Variants in RNF150 observed in about 807,000 individuals in gnomAD.
RNF150 encodes ring finger protein 150.
Under a neutral mutation model 39.3 loss-of-function variants are expected in RNF150, and 24 were observed. That is an observed-to-expected ratio of 0.61 (90% CI 0.44 to 0.86). The LOEUF (loss-of-function observed/expected upper bound fraction) is 0.86, where lower values mean the gene tolerates loss of function less well. RNF150 is among the 40% of genes least tolerant of loss of function. RNF150 has a pLI of 0.00. For missense variants in RNF150, 502 were observed against 587.8 expected (o/e 0.85, Z 1.51); for synonymous variants, 255 against 227.3 (o/e 1.12, Z -1.10).
intron 5 of RNF150, among the ~76,000 whole-genome samples, chr4:140,918,708 C>G (rs1385454610): frequency 7.6e-6 from 1 of 131,936 alleles, no homozygotes; most frequent in Non-Finnish European, 1.6e-5. Context: ...ATCCTGATAC[C>G]AAAGCCTGGC....
chr4:140,862,045 A>C lies in RNF150; in HGVS notation c.*6216T>G, dbSNP rs1488994111. ...TAGTCAATGGAAGAAACATGTGTTC[A>C]TTTGGATGGTGATCAGTCTTTGGTT... On this transcript the variant is annotated 3_prime_UTR_variant, in exon 7 of 7. Coordinates refer to ENST00000515673, the MANE Select transcript of RNF150 (RefSeq NM_020724.2). 1 of 152,214 alleles carries C rather than the reference A, an allele frequency of 6.6e-6. No individual in the cohort carries two copies. Among genetic ancestry groups the C allele is most frequent in the Non-Finnish European group, 1.5e-5 (1 of 68,040 alleles). 9.4% of individuals were successfully genotyped at this position (152,214 alleles called of 1,614,324 possible). A position where few individuals can be genotyped will look rare whatever the true frequency, so the allele number is the denominator to read the frequency against.
chr4:140,945,023 T>C (rs918868871), intron 4 of RNF150, among the ~76,000 whole-genome samples: 11 of 152,206 alleles, frequency 7.2e-5, no homozygotes, highest in African/African-American at 2.7e-4. Context: ...TCAGAACAGA[T>C]ATGTGTGACT....
rs1560934597 is a variant in RNF150 at position 140,860,809 on chromosome 4, A to AT, written c.*7451dup. 6.6e-6 allele frequency: 1 copy of AT among 152,128 alleles called. No homozygotes were observed. Among genetic ancestry groups the AT allele is most frequent in the Non-Finnish European group, 1.5e-5 (1 of 68,018 alleles). 9.4% of individuals were successfully genotyped at this position (152,128 alleles called of 1,614,324 possible). A position where few individuals can be genotyped will look rare whatever the true frequency, so the allele number is the denominator to read the frequency against. On this transcript the variant is annotated 3_prime_UTR_variant, in exon 7 of 7. Coordinates refer to ENST00000515673, the MANE Select transcript of RNF150 (RefSeq NM_020724.2). ...TTAAAATAAGTTATTTCTTTTTCAC[A>AT]TTTTTGCAACTGGCAATTGCTGGTT...
Position 140,862,718 on chromosome 4 carries a change from A to T in RNF150, c.*5543T>A, listed in dbSNP as rs1728539838. The T allele has an allele frequency of 6.6e-6, 1 of 152,212 alleles. No individual in the cohort carries two copies. Among genetic ancestry groups the T allele is most frequent in the East Asian group, 1.9e-4 (1 of 5,182 alleles). 9.4% of individuals were successfully genotyped at this position (152,212 alleles called of 1,614,324 possible). On this transcript the variant is annotated 3_prime_UTR_variant, in exon 7 of 7. Transcript: ENST00000515673. ...TTAATTTATTTTTCAGGCAATCCAG[A>T]CCTTCTTTGCAATCATGAGTATTTT...
intron 6 of RNF150, among the ~76,000 whole-genome samples, chr4:140,868,902 T>C (rs1278652711): frequency 6.6e-6 from 1 of 152,088 alleles, no homozygotes; most frequent in South Asian, 2.1e-4. Context: ...AAATGACCAA[T>C]AAATATAAGG....
chr4:141,169,567 G>T (rs1488985118), intron 1 of RNF150, among the ~76,000 whole-genome samples: 1 of 152,120 alleles, frequency 6.6e-6, no homozygotes, highest in African/African-American at 2.4e-5. Context: ...ACAGGAAAAG[G>T]TCCAAGAATC....
chr4:140,943,678 GC>G (rs1282377361), intron 4 of RNF150, among the ~76,000 whole-genome samples: 2 of 152,076 alleles, frequency 1.3e-5, no homozygotes, highest in African/African-American at 2.4e-5. Context: ...CATGCATCAT[GC>G]CATTTGTCTT....
In RNF150 at chr4:140,865,322, T is replaced by C. The variant is rs946974602; in HGVS notation, c.*2939A>G. The stretch of plus-strand genomic sequence containing the variant: ...AATTATGTCTGTGACTTGCATTACG[T>C]TTCTGTTGGACAGTGCTAGTCTAGA... On this transcript the variant is annotated 3_prime_UTR_variant, in exon 7 of 7. Coordinates refer to ENST00000515673, the MANE Select transcript of RNF150 (RefSeq NM_020724.2). 4 of 152,400 alleles carry C rather than the reference T, an allele frequency of 2.6e-5. No individual in the cohort carries two copies. The allele number at this position is 152,400 out of a possible 1,614,324, so 9.4% of individuals were successfully genotyped here.
intron 6 of RNF150, among the ~76,000 whole-genome samples, chr4:140,888,382 A>T (rs777364042): frequency 2.0e-5 from 3 of 152,174 alleles, no homozygotes; most frequent in Non-Finnish European, 2.9e-5. Flanking sequence ...AATCTAATGG[A>T]TTTTATCTAA....
chr4:140,911,038 T>C lies in RNF150; in HGVS notation c.1198+106A>G, dbSNP rs572640475. ...TTATAACTGATGAACCTAGCAATGA[T>C]GTACTCATTCAATATTTTTTTCTTT... On this transcript the variant is annotated intron_variant, in intron 6 of 6. Coordinates refer to ENST00000515673, the MANE Select transcript of RNF150 (RefSeq NM_020724.2). 39 of 852,918 alleles carry C rather than the reference T, an allele frequency of 4.6e-5. No individual in the cohort carries two copies. In the African/African-American group the frequency reaches 5.0e-4, roughly 11 times the overall value. The allele number at this position is 852,918 out of a possible 1,614,324, so 52.8% of individuals were successfully genotyped here.
intron 1 of RNF150, among the ~76,000 whole-genome samples, chr4:141,059,164 C>G (rs1415800128): frequency 6.6e-6 from 1 of 152,182 alleles, no homozygotes; most frequent in African/African-American, 2.4e-5. Flanking sequence ...GCTCCAAAGT[C>G]TTTCCTACAG....
At chr4:140,999,001 GGCTGCTGCT>G (rs58641225) in intron 1 of RNF150, among the ~76,000 whole-genome samples, 2 of 152,020 alleles carry the variant, frequency 1.3e-5, no homozygotes, top group Non-Finnish European at 2.9e-5. Context: ...TCACGAAGCA[GGCTGCTGCT>G]GCTGCTGCTG....
chr4:140,935,827 A>G (rs1201541474), intron 4 of RNF150, among the ~76,000 whole-genome samples: 1 of 152,118 alleles, frequency 6.6e-6, no homozygotes, highest in African/African-American at 2.4e-5. Flanking sequence ...AAATGCATAA[A>G]CCTTAAGTGA....
intron 1 of RNF150, among the ~76,000 whole-genome samples, chr4:141,050,404 T>G (rs1371929403): frequency 6.6e-6 from 1 of 152,160 alleles, no homozygotes; most frequent in African/African-American, 2.4e-5. Context: ...CTTAACTCAT[T>G]TCAGCATTAA....
At chr4:141,016,760 C>A (rs978227588) in intron 1 of RNF150, among the ~76,000 whole-genome samples, 1 of 152,130 alleles carries the variant, frequency 6.6e-6, no homozygotes, top group Non-Finnish European at 1.5e-5. Context: ...CTTTTCCTGT[C>A]CCTGGCCGCC....
intron 1 of RNF150, among the ~76,000 whole-genome samples, chr4:141,026,463 C>T (rs935838578): frequency 6.6e-6 from 1 of 152,166 alleles, no homozygotes; most frequent in African/African-American, 2.4e-5. Flanking sequence ...GGCGACTGCA[C>T]TGGATCACAC....
intron 5 of RNF150, among the ~76,000 whole-genome samples, chr4:140,918,773 GC>G (rs1475546426): frequency 6.6e-6 from 1 of 152,002 alleles, no homozygotes; most frequent in Non-Finnish European, 1.5e-5. Context: ...GAAAATTGAT[GC>G]AAAAATCCTC....
rs939550357 is a variant in RNF150 at position 141,158,393 on chromosome 4, T to G, written c.-6+54401A>C. Among the ~76,000 whole-genome samples, 3 of 151,754 alleles carry G rather than the reference T, an allele frequency of 2.0e-5. No homozygotes were observed. The East Asian group carries it at 5.8e-4, about 29-fold the overall frequency. ...TTTTTCAGGAGAGGTTGAGAAAATA[T>G]AAAGTACTATGACCAGTTGGCCACT... On this transcript the variant is annotated intron_variant, in intron 1 of 7. Transcript: ENST00000420921.
At chr4:141,196,526 T>G (rs1339594510) in intron 1 of RNF150, among the ~76,000 whole-genome samples, 1 of 152,228 alleles carries the variant, frequency 6.6e-6, no homozygotes, top group Non-Finnish European at 1.5e-5. Context: ...GGTTTGCCTT[T>G]GATTTTGAGA....
Sources: gnomAD v4.1 joint callset for allele counts (sites outside exome capture counted in the v4.1 genomes callset) on GRCh38, gnomAD v4.1.1 for gene constraint, MANE v1.5 for transcripts, NCBI Gene and HGNC (gene_info 2026-07-23, HGNC 2026-07-21) for gene names.